LARGE1: variants seen among roughly 807,000 people sequenced by gnomAD.
LARGE1 encodes LARGE xylosyl- and glucuronyltransferase 1.
A neutral mutation model predicts 87.6 loss-of-function variants in LARGE1; 43 were observed. The ratio of observed to expected loss-of-function variants is 0.49; its 90% CI spans 0.38 to 0.63. The LOEUF (loss-of-function observed/expected upper bound fraction) is 0.63. Ranked by LOEUF, LARGE1 falls within the 30% of genes least tolerant of loss-of-function variation. The pLI, the probability that LARGE1 is intolerant of heterozygous loss-of-function variation, is 0.00. For missense variants in LARGE1, 802 were observed against 1,000.2 expected (o/e 0.80, Z 2.67); for synonymous variants, 434 against 394.6 (o/e 1.10, Z -1.18).
chr22:33,407,980 AC>A (rs1320493281), intron 7 of LARGE1, among the ~76,000 whole-genome samples: 1 of 145,410 alleles, frequency 6.9e-6, no homozygotes, highest in Non-Finnish European at 1.5e-5. Flanking sequence ...AGGAAGATAA[AC>A]TTTTTTTTTT....
At chr22:33,465,811 A>T (rs1198186076) in intron 6 of LARGE1, among the ~76,000 whole-genome samples, 4 of 152,296 alleles carry the variant, frequency 2.6e-5, no homozygotes, top group African/African-American at 9.6e-5. Flanking sequence ...TCACAACAGG[A>T]ATCTGCGTCT....
chr22:33,142,798 TA>T, the LARGE1 span, among the ~76,000 whole-genome samples: 43 of 152,218 alleles, frequency 2.8e-4, no homozygotes, highest in Non-Finnish European at 7.3e-5. Context: ...CACCCTCAAT[TA>T]ATTCAATTTT....
At chr22:33,396,289 A>T (rs2065737403) in intron 7 of LARGE1, among the ~76,000 whole-genome samples, 1 of 152,258 alleles carries the variant, frequency 6.6e-6, no homozygotes, top group African/African-American at 2.4e-5. Flanking sequence ...ATAATCCAAC[A>T]GAAAGTAAGT....
intron 9 of LARGE1, among the ~76,000 whole-genome samples, chr22:33,380,562 G>C (rs754033978): frequency 5.9e-5 from 9 of 152,094 alleles, no homozygotes; most frequent in Non-Finnish European, 1.3e-4. Context: ...CTAACTATTG[G>C]ATATGATGTT....
At chr22:33,887,262 C>G (rs910980131) in intron 1 of LARGE1, among the ~76,000 whole-genome samples, 51 of 152,238 alleles carry the variant, frequency 3.4e-4, no homozygotes, top group African/African-American at 1.2e-3. Context: ...GTGGAGCCCT[C>G]GAGAATAGGA....
chr22:33,172,138 G>A (rs1369072690), intron 11 of LARGE1, among the ~76,000 whole-genome samples: 1 of 152,232 alleles, frequency 6.6e-6, no homozygotes, highest in African/African-American at 2.4e-5. Flanking sequence ...ACTTGCATGG[G>A]GCCTGTGGCC....
At chr22:33,589,245 G>T (rs543248961) in intron 5 of LARGE1, among the ~76,000 whole-genome samples, 22 of 152,268 alleles carry the variant, frequency 1.4e-4, no homozygotes, top group African/African-American at 5.1e-4. Flanking sequence ...CTCTGTAAAA[G>T]ATTATCACAG....
chr22:33,351,338 G>T (rs1418863767), intron 9 of LARGE1, among the ~76,000 whole-genome samples: 1 of 152,232 alleles, frequency 6.6e-6, no homozygotes, highest in Non-Finnish European at 1.5e-5. Flanking sequence ...GGCATGATAT[G>T]GTGGCATGGC....
intron 5 of LARGE1, among the ~76,000 whole-genome samples, chr22:33,570,576 A>G (rs2078165945): frequency 7.0e-6 from 1 of 142,918 alleles, no homozygotes; most frequent in South Asian, 2.3e-4. Context: ...TGAACCCAGG[A>G]GGGAGAGGTT....
intron 2 of LARGE1, among the ~76,000 whole-genome samples, chr22:33,706,063 T>C (rs560820237): frequency 6.6e-6 from 1 of 152,330 alleles, no homozygotes; most frequent in African/African-American, 2.4e-5. Flanking sequence ...AACAGTTAAC[T>C]GCCCCGGTGG....
intron 11 of LARGE1, among the ~76,000 whole-genome samples, chr22:33,247,188 T>C (rs1268479123): frequency 6.6e-6 from 1 of 151,790 alleles, no homozygotes; most frequent in Non-Finnish European, 1.5e-5. Flanking sequence ...AAAACCAAAA[T>C]GTTCTTTTTT....
At chr22:33,667,127 CCACGTGCACA>C (rs2081291709) in intron 2 of LARGE1, among the ~76,000 whole-genome samples, 1 of 152,172 alleles carries the variant, frequency 6.6e-6, no homozygotes, top group African/African-American at 2.4e-5. Flanking sequence ...GTGCATGCAC[CCACGTGCACA>C]CACCCTCGCA....
intron 5 of LARGE1, among the ~76,000 whole-genome samples, chr22:33,577,498 A>G (rs1422408293): frequency 1.3e-5 from 2 of 152,222 alleles, no homozygotes; most frequent in Non-Finnish European, 2.9e-5. Flanking sequence ...TGTCAAGTTC[A>G]TCTGGATATT....
chr22:33,895,566 G>A (rs1224139826), intron 1 of LARGE1, among the ~76,000 whole-genome samples: 2 of 152,214 alleles, frequency 1.3e-5, no homozygotes, highest in African/African-American at 4.8e-5. Context: ...TGTGCTGGCA[G>A]AATTCATTTC....
intron 5 of LARGE1, among the ~76,000 whole-genome samples, chr22:33,565,377 C>T (rs976363571): frequency 1.3e-5 from 2 of 151,980 alleles, no homozygotes; most frequent in African/African-American, 4.8e-5. Flanking sequence ...AAATTGAATC[C>T]CACTACAAAT....
At chr22:33,331,876 T>G (rs1937757699) in intron 10 of LARGE1, among the ~76,000 whole-genome samples, 1 of 152,106 alleles carries the variant, frequency 6.6e-6, no homozygotes, top group South Asian at 2.1e-4. Context: ...TATTCAACCT[T>G]TAAATCTCAC....
At chr22:33,752,242 T>A (rs1335798130) in intron 2 of LARGE1, among the ~76,000 whole-genome samples, 1 of 152,136 alleles carries the variant, frequency 6.6e-6, no homozygotes, top group Non-Finnish European at 1.5e-5. Flanking sequence ...GATCATGGGG[T>A]ATGCTTGGCT....
intron 6 of LARGE1, among the ~76,000 whole-genome samples, chr22:33,454,262 T>C (rs1365037596): frequency 6.6e-6 from 1 of 152,084 alleles, no homozygotes; most frequent in African/African-American, 2.4e-5. Context: ...AGTTCAGGTA[T>C]GTATTAGTCC....
intron 11 of LARGE1, among the ~76,000 whole-genome samples, chr22:33,261,010 G>GGAA (rs1927596710): frequency 6.6e-6 from 1 of 152,100 alleles, no homozygotes; most frequent in African/African-American, 2.4e-5. Flanking sequence ...ATTGCCCAAG[G>GGAA]GAAGAACCAT....
Sources: allele counts gnomAD v4.1 joint callset (sites outside exome capture counted in the v4.1 genomes callset), GRCh38; gene constraint gnomAD v4.1.1; transcripts MANE v1.5; gene names NCBI Gene and HGNC (gene_info 2026-07-23, HGNC 2026-07-21).